EBF1: variants seen among roughly 807,000 people sequenced by gnomAD.
The protein encoded by EBF1 is transcription factor COE1.
A neutral mutation model predicts 68.4 loss-of-function variants in EBF1; 10 were observed. The observed-to-expected ratio is 0.15, with a 90% CI of 0.09 to 0.25. The LOEUF (loss-of-function observed/expected upper bound fraction) is 0.25, where lower values mean the gene tolerates loss of function less well. EBF1 is among the 10% of genes least tolerant of loss of function. EBF1 has a pLI of 1.00. For synonymous variants in EBF1, 298 were observed against 299.8 expected, an observed-to-expected ratio of 0.99 and a Z score of 0.06; for missense variants, 509 against 794.4, an observed-to-expected ratio of 0.64 and a Z score of 4.32.
chr5:159,065,453 T>A (rs967129060), intron 6 of EBF1, among the ~76,000 whole-genome samples: 1 of 152,192 alleles, frequency 6.6e-6, no homozygotes, highest in African/African-American at 2.4e-5. Context: ...TTTACTTTGA[T>A]AATTTTCAAT....
intron 7 of EBF1, among the ~76,000 whole-genome samples, chr5:158,833,819 G>T (rs1310286704): frequency 6.6e-6 from 1 of 152,150 alleles, no homozygotes; most frequent in Non-Finnish European, 1.5e-5. Context: ...TGTTCTATTT[G>T]TTACAAGAGC....
At chr5:159,024,658 C>G (rs1194147173) in intron 6 of EBF1, among the ~76,000 whole-genome samples, 1 of 152,166 alleles carries the variant, frequency 6.6e-6, no homozygotes, top group Non-Finnish European at 1.5e-5. Context: ...ATGGAATAAG[C>G]CCTCAACTTC....
At chr5:158,793,974 T>C (rs1779169319) in intron 9 of EBF1, among the ~76,000 whole-genome samples, 1 of 152,322 alleles carries the variant, frequency 6.6e-6, no homozygotes, top group Non-Finnish European at 1.5e-5. Flanking sequence ...AGGACAATCA[T>C]GATGATAACA....
At chr5:159,015,476 C>T (rs748086563) in intron 6 of EBF1, among the ~76,000 whole-genome samples, 21 of 152,268 alleles carry the variant, frequency 1.4e-4, no homozygotes, top group Non-Finnish European at 2.6e-4. Context: ...ATAAGGTGAG[C>T]GTGGCTGAAG....
rs11135046 is a variant in EBF1 at position 158,803,005 on chromosome 5, G to A, written c.779-6530C>T. ...CATATCCAACTAAATGTACTGAGTA[G>A]GTGGAACTGGCAACAGTCCCTCCAA... On this transcript the variant is annotated intron_variant, in intron 8 of 15. Transcript: ENST00000313708. Among the ~76,000 whole-genome samples the A allele has an allele frequency of 1.1e-3, 170 of 151,988 alleles. 1 individual carries two copies. Among genetic ancestry groups the A allele is most frequent in the Non-Finnish European group, 1.8e-4 (12 of 67,944 alleles).
intron 11 of EBF1, among the ~76,000 whole-genome samples, chr5:158,720,863 C>G (rs1168355113): frequency 1.3e-5 from 2 of 152,118 alleles, no homozygotes; most frequent in African/African-American, 4.8e-5. Flanking sequence ...AAATGTATAA[C>G]AATTATATTT....
Position 159,096,273 on chromosome 5 carries a change from G to T in EBF1, c.355+70C>A. The T allele has an allele frequency of 3.4e-6, 5 of 1,492,168 alleles. No individual in the cohort carries two copies. The South Asian group carries it at 4.7e-5, about 14-fold the overall frequency. The allele number at this position is 1,492,168 out of a possible 1,614,324, so 92.4% of individuals were successfully genotyped here. ...CTTCGCTGGAGGATTTCGTCCACCTGGAGCTCCCTGCGCCCCCTGCCCAGA... is the reference window on the plus strand; with the variant it reads ...CTTCGCTGGAGGATTTCGTCCACCTTGAGCTCCCTGCGCCCCCTGCCCAGA... On this transcript the variant is annotated intron_variant, in intron 3 of 15. Transcript: ENST00000313708.
chr5:159,013,374 C>T (rs1215936944), intron 6 of EBF1, among the ~76,000 whole-genome samples: 2 of 152,162 alleles, frequency 1.3e-5, no homozygotes, highest in African/African-American at 4.8e-5. Context: ...CTAGGCATGT[C>T]TCTGAAGGAC....
chr5:158,791,511 C>T (rs995144979), intron 9 of EBF1, among the ~76,000 whole-genome samples: 13 of 151,988 alleles, frequency 8.6e-5, no homozygotes, highest in Non-Finnish European at 1.8e-4. Context: ...TCCACTGCTA[C>T]CCCATGCAAT....
chr5:158,837,100 G>T (rs1788978062), intron 7 of EBF1, among the ~76,000 whole-genome samples: 1 of 152,186 alleles, frequency 6.6e-6, no homozygotes, highest in South Asian at 2.1e-4. Flanking sequence ...CTAATCAGTA[G>T]TTCTCAGTCA....
intron 14 of EBF1, among the ~76,000 whole-genome samples, chr5:158,709,076 A>T (rs1289587458): frequency 6.6e-6 from 1 of 152,170 alleles, no homozygotes; most frequent in Non-Finnish European, 1.5e-5. Flanking sequence ...TTCCAGGTTA[A>T]TAATCTCTCG....
intron 6 of EBF1, among the ~76,000 whole-genome samples, chr5:159,066,652 C>A (rs1776859387): frequency 6.7e-6 from 1 of 148,794 alleles, no homozygotes; most frequent in Non-Finnish European, 1.5e-5. Context: ...CACACACACA[C>A]ACTCAGCTTC....
At position 159,017,349 on chromosome 5, in the gene EBF1, C is replaced by T. The variant is rs1388211900; in HGVS notation, c.554+56047G>A. Among the ~76,000 whole-genome samples, 3 of 152,054 alleles carry T rather than the reference C, an allele frequency of 2.0e-5. No individual in the cohort carries two copies. The East Asian group carries it at 5.8e-4, about 29-fold the overall frequency. Reference sequence around the variant, plus strand: ...AAAATCTGATTTCACAATAAAATACCTTCTGGCTTCTATCAAAAAATCATA... The same window carrying T: ...AAAATCTGATTTCACAATAAAATACTTTCTGGCTTCTATCAAAAAATCATA... On this transcript the variant is annotated intron_variant, in intron 6 of 15. Transcript: ENST00000313708.
At chr5:158,776,314 G>A (rs1775240161) in intron 10 of EBF1, among the ~76,000 whole-genome samples, 1 of 147,390 alleles carries the variant, frequency 6.8e-6, no homozygotes, top group African/African-American at 2.7e-5. Flanking sequence ...AATTTCGAGA[G>A]AGAGAGAGAG....
chr5:158,974,924 A>G (rs75259819), intron 6 of EBF1, among the ~76,000 whole-genome samples: 9,666 of 152,240 alleles, frequency 0.063, 500 homozygotes, highest in Non-Finnish European at 0.088. Flanking sequence ...TCCTGCCCCA[A>G]AGGCTGACAG....
intron 6 of EBF1, among the ~76,000 whole-genome samples, chr5:158,886,463 C>A (rs1042039841): frequency 6.6e-6 from 1 of 152,186 alleles, no homozygotes; most frequent in Non-Finnish European, 1.5e-5. Flanking sequence ...TAGATTAAAG[C>A]ATTTCTGTAC....
intron 6 of EBF1, among the ~76,000 whole-genome samples, chr5:158,975,324 C>T (rs1212475896): frequency 2.0e-5 from 3 of 152,070 alleles, no homozygotes; most frequent in Non-Finnish European, 2.9e-5. Flanking sequence ...TAGTACATAC[C>T]GTATGCTGTG....
intron 6 of EBF1, among the ~76,000 whole-genome samples, chr5:158,855,881 G>A (rs1372220936): frequency 6.6e-6 from 1 of 152,116 alleles, no homozygotes; most frequent in Non-Finnish European, 1.5e-5. Context: ...GACCATGGTG[G>A]GACACCCCCT....
chr5:158,874,071 C>T (rs531417353), intron 6 of EBF1, among the ~76,000 whole-genome samples: 20 of 152,278 alleles, frequency 1.3e-4, no homozygotes, highest in African/African-American at 4.1e-4. Flanking sequence ...TTGGAAGTTC[C>T]TAGGCCAGAG....
Sources: gnomAD v4.1 joint callset for allele counts (sites outside exome capture counted in the v4.1 genomes callset) on GRCh38, gnomAD v4.1.1 for gene constraint, MANE v1.5 for transcripts, NCBI Gene and HGNC (gene_info 2026-07-23, HGNC 2026-07-21) for gene names.